CACNA2D4: variants seen among roughly 807,000 people sequenced by gnomAD.
CACNA2D4 encodes the protein voltage-dependent calcium channel subunit alpha-2/delta-4.
CACNA2D4 carries 157 observed loss-of-function variants against 163.8 expected under a neutral mutation model. The observed-to-expected ratio is 0.96, with a 90% CI of 0.84 to 1.09. The LOEUF (loss-of-function observed/expected upper bound fraction) is 1.09, where lower values mean the gene tolerates loss of function less well. CACNA2D4 is among the 50% of genes least tolerant of loss of function. The pLI, the probability that CACNA2D4 is intolerant of heterozygous loss-of-function variation, is 0.00. For synonymous variants in CACNA2D4, 598 were observed against 586.9 expected (o/e 1.02, Z -0.27); for missense variants, 1,410 against 1,479.9 (o/e 0.95, Z 0.78).
chr12:1,878,945 C>T lies in CACNA2D4; in HGVS notation c.1644+11G>A, dbSNP rs1341767723. 1 of 1,612,292 alleles carries T rather than the reference C, an allele frequency of 6.2e-7. No individual in the cohort carries two copies. On this transcript the variant is annotated intron_variant, in intron 15 of 37. Transcript: ENST00000382722. This position sits in a 1 kb window ranked among gnomAD's most constrained non-coding sequence, Gnocchi z 4.6. ...ACCTGTGATCCCCACAGGGAACAGA[C>T]CCAGGCTCACCTTGTACCGGGGCGC...
chr12:1,902,566 C>T (rs573734724), intron 6 of CACNA2D4, among the ~76,000 whole-genome samples: 1 of 151,972 alleles, frequency 6.6e-6, no homozygotes, highest in South Asian at 2.1e-4. Flanking sequence ...TTCTATATGC[C>T]AACAGCAAAC....
chr12:1,880,042 T>G (rs1374705895), intron 13 of CACNA2D4, among the ~76,000 whole-genome samples, 161 bp from the exon 14 acceptor site: 1 of 152,214 alleles, frequency 6.6e-6, no homozygotes, highest in Non-Finnish European at 1.5e-5. Context: ...TTCCCTTCTC[T>G]GCAAAAGGAG....
intron 26 of CACNA2D4, among the ~76,000 whole-genome samples, chr12:1,812,798 G>A (rs1296618217): frequency 2.6e-5 from 4 of 152,170 alleles, no homozygotes; most frequent in Admixed American, 1.3e-4. Flanking sequence ...CCTGGTGATC[G>A]GGAAGGAGCG....
intron 2 of CACNA2D4, 136 bp downstream of exon 2, chr12:1,914,718 T>G: frequency 1.5e-6 from 1 of 647,050 alleles, no homozygotes; most frequent in Non-Finnish European, 2.8e-6. Flanking sequence ...TTCACCTCCC[T>G]GGGCCTCAGT....
intron 26 of CACNA2D4, among the ~76,000 whole-genome samples, chr12:1,816,343 T>A (rs1489351388): frequency 6.6e-6 from 1 of 152,242 alleles, no homozygotes; most frequent in African/African-American, 2.4e-5. Context: ...GCTTCCCTCA[T>A]GCCTGTGCAT....
intron 26 of CACNA2D4, among the ~76,000 whole-genome samples, chr12:1,837,252 G>A (rs1037172498): frequency 6.6e-6 from 1 of 152,222 alleles, no homozygotes; most frequent in Non-Finnish European, 1.5e-5. Context: ...GCAGTTGGAG[G>A]GGCCTCGGCT....
intron 6 of CACNA2D4, among the ~76,000 whole-genome samples, chr12:1,896,846 C>T (rs1409036261): frequency 2.0e-5 from 3 of 152,190 alleles, no homozygotes; most frequent in Non-Finnish European, 4.4e-5. Context: ...TATACCTGCA[C>T]TGGCATCTTT....
chr12:1,795,307 G>A lies in CACNA2D4; in HGVS notation c.3301C>T (p.His1101Tyr), dbSNP rs1240444297. 1.9e-5 allele frequency: 30 copies of A among 1,613,092 alleles called. No homozygotes were observed. The highest frequency in any genetic ancestry group is 2.5e-5 in the Non-Finnish European group (30 of 1,179,840). Residue 1101 changes from histidine (H) to tyrosine (Y), a missense_variant, in exon 37 of 38, where the codon CAT (histidine) becomes TAT (tyrosine). By Grantham distance (83) the His-to-Tyr change is moderately conservative. Coordinates refer to ENST00000382722, the MANE Select transcript of CACNA2D4 (RefSeq NM_172364.5). ...RRRPDSCHAF[H>Y]PEENAQDCGG... ...TCCGCCTCAACCCGCACCTCTGGAT[G>A]GAAGGCGTGGCAGGAGTCTGGTCGC... is the stretch of plus-strand genomic sequence containing the variant.
intron 26 of CACNA2D4, among the ~76,000 whole-genome samples, chr12:1,812,355 G>A (rs75179773): frequency 2.0e-5 from 3 of 152,234 alleles, no homozygotes; most frequent in Non-Finnish European, 4.4e-5. Context: ...TTTGATGACT[G>A]TGCTTACAAG....
At chr12:1,871,847 C>CACTCT (rs1197066541) in intron 18 of CACNA2D4, among the ~76,000 whole-genome samples, 1 of 152,222 alleles carries the variant, frequency 6.6e-6, no homozygotes, top group Non-Finnish European at 1.5e-5. Context: ...TAGGAAGGAA[C>CACTCT]ACTCTGTCTG....
chr12:1,801,474 G>T, intron 30 of CACNA2D4, 100 bp downstream of exon 30: 1 of 1,010,918 alleles, frequency 9.9e-7, no homozygotes, highest in Non-Finnish European at 1.5e-6. Context: ...ACCCACTGTG[G>T]GTTTTGGAGG....
In CACNA2D4 at chr12:1,810,271, G is replaced by A; in HGVS notation, c.2721+7C>T. The A allele has an allele frequency of 6.2e-7, 1 of 1,610,340 alleles. No homozygotes were observed. The highest frequency in any genetic ancestry group is 8.5e-7 in the Non-Finnish European group (1 of 1,176,684). The stretch of plus-strand genomic sequence containing the variant: ...CTCCCCCTCATTCTATATCCCCAGT[G>A]ACTCACCTCTCGGGACCTCTTGGAG... On this transcript the variant is annotated splice_region_variant and intron_variant, in intron 29 of 37. Coordinates refer to ENST00000382722, the MANE Select transcript of CACNA2D4 (RefSeq NM_172364.5).
At position 1,813,664 on chromosome 12, in the gene CACNA2D4, T is replaced by C. The variant is rs116400107; in HGVS notation, c.2552-1941A>G. On this transcript the variant is annotated intron_variant, in intron 26 of 37. Coordinates refer to ENST00000382722, the MANE Select transcript of CACNA2D4 (RefSeq NM_172364.5). ...GTACCTCCCCTCCCTTGGAGTCTCA[T>C]GGCAATCCTGGGGTGGTGCTCCGGC... Among the ~76,000 whole-genome samples the C allele has an allele frequency of 7.3e-3, 1,106 of 152,306 alleles. 11 individuals are homozygous for C. The highest frequency in any genetic ancestry group is 0.025 in the African/African-American group (1,045 of 41,572).
intron 19 of CACNA2D4, among the ~76,000 whole-genome samples, chr12:1,859,825 C>T (rs190590154): frequency 1.3e-3 from 205 of 152,378 alleles, no homozygotes; most frequent in Middle Eastern, 0.01. Context: ...GGCAGCTTGG[C>T]TGCTGGACGC....
chr12:1,801,870 G>A (rs1863345211), intron 29 of CACNA2D4, among the ~76,000 whole-genome samples: 1 of 152,096 alleles, frequency 6.6e-6, no homozygotes. Flanking sequence ...CAACTGGAAG[G>A]AGTCACCCGC....
At chr12:1,814,228 C>A (rs1227595905) in intron 26 of CACNA2D4, among the ~76,000 whole-genome samples, 2 of 152,072 alleles carry the variant, frequency 1.3e-5, no homozygotes, top group African/African-American at 4.8e-5. Flanking sequence ...GGAAGGAATT[C>A]TACGATTCTA....
chr12:1,871,024 C>G (rs1399096235), intron 18 of CACNA2D4, among the ~76,000 whole-genome samples: 1 of 152,172 alleles, frequency 6.6e-6, no homozygotes, highest in Admixed American at 6.5e-5. Context: ...CTCTGAATGC[C>G]AGCCGCTGGT....
At chr12:1,911,354 C>T (rs911566319) in intron 3 of CACNA2D4, among the ~76,000 whole-genome samples, 3 of 151,950 alleles carry the variant, frequency 2.0e-5, no homozygotes, top group Admixed American at 1.3e-4. Context: ...AGGCCAGCAT[C>T]GCAGAGTGTC....
chr12:1,917,858 G>C lies in CACNA2D4; in HGVS notation c.227+389C>G, dbSNP rs534381419. ...ATACGCATTTCCTGCCAAATGCTTC[G>C]GGGAGCTGCGATGCTGAGATAACCC... On this transcript the variant is annotated intron_variant, in intron 1 of 37. Transcript: ENST00000382722. This position sits in a 1 kb window ranked among gnomAD's most constrained non-coding sequence, Gnocchi z 4.3. The C allele has an allele frequency of 9.8e-6, 2 of 203,566 alleles. No individual in the cohort carries two copies. The highest frequency in any genetic ancestry group is 1.3e-4 in the Admixed American group (2 of 15,844). The allele number at this position is 203,566 out of a possible 1,614,324, so 12.6% of individuals were successfully genotyped here.
Sources: allele counts gnomAD v4.1 joint callset (sites outside exome capture counted in the v4.1 genomes callset), GRCh38; gene constraint gnomAD v4.1.1; non-coding constraint Gnocchi (gnomAD v3.1); transcripts MANE v1.5; gene names NCBI Gene and HGNC (gene_info 2026-07-23, HGNC 2026-07-21).